ZNF469: variants seen among roughly 807,000 people sequenced by gnomAD.
ZNF469 encodes zinc finger protein 469.
Under a neutral mutation model 1.0 loss-of-function variants are expected in ZNF469, and 1 was observed. The observed-to-expected ratio is 1.00, with a 90% CI of 0.35 to 4.73. ZNF469 has a LOEUF of 4.73. Ranked by LOEUF, ZNF469 falls within the 30% of genes most tolerant of loss-of-function variation. The pLI is 0.16. For missense variants in ZNF469, 6,100 were observed against 5,356.3 expected (o/e 1.14, Z -4.33); for synonymous variants, 2,703 against 2,363.4 (o/e 1.14, Z -4.17).
At chr16:88,140,341 A>T in the ZNF469 span, among the ~76,000 whole-genome samples, 1 of 151,910 alleles carries the variant, frequency 6.6e-6, no homozygotes, top group Non-Finnish European at 1.5e-5. Flanking sequence ...GGTAGCACGG[A>T]GGAAAGGAGG....
chr16:88,390,194 G>T (rs1011452193), intron 1 of ZNF469, among the ~76,000 whole-genome samples: 1 of 152,214 alleles, frequency 6.6e-6, no homozygotes, highest in Non-Finnish European at 1.5e-5. Flanking sequence ...CGGAGGTCAG[G>T]TGGTCACGGG....
At chr16:88,122,044 C>G in the ZNF469 span, among the ~76,000 whole-genome samples, 2 of 151,494 alleles carry the variant, frequency 1.3e-5, no homozygotes, top group Non-Finnish European at 2.9e-5. Flanking sequence ...TCACTACGGC[C>G]ACGGCGGCCA....
At chr16:88,379,809 G>A (rs2092516411), upstream of ZNF469, among the ~76,000 whole-genome samples, 1 of 143,272 alleles carries the variant, frequency 7.0e-6, no homozygotes, top group Admixed American at 8.1e-5. Context: ...GGTGTGCCGC[G>A]GGCCTTGGCC....
At chr16:88,388,308 G>T (rs903505305) in intron 1 of ZNF469, among the ~76,000 whole-genome samples, 3 of 152,226 alleles carry the variant, frequency 2.0e-5, no homozygotes, top group Non-Finnish European at 4.4e-5. Context: ...TGCTAACAGC[G>T]CCTGTCCTGT....
chr16:88,385,736 T>A (rs956705669), intron 1 of ZNF469, among the ~76,000 whole-genome samples: 1 of 151,512 alleles, frequency 6.6e-6, no homozygotes, highest in South Asian at 2.1e-4. Flanking sequence ...TAGTTAAGAG[T>A]CCAGGCTCTG....
the ZNF469 span, among the ~76,000 whole-genome samples, chr16:88,278,637 G>C: frequency 8.6e-6 from 1 of 116,796 alleles, no homozygotes; most frequent in Non-Finnish European, 2.0e-5. Flanking sequence ...ATCAGTGCAC[G>C]GTTAGTGCTG....
chr16:88,128,643 C>G, the ZNF469 span, among the ~76,000 whole-genome samples: 1 of 152,238 alleles, frequency 6.6e-6, no homozygotes, highest in Non-Finnish European at 1.5e-5. Context: ...TTCTCTCCCC[C>G]GACCCAGGTC....
chr16:88,136,659 G>C, the ZNF469 span, among the ~76,000 whole-genome samples: 1 of 152,260 alleles, frequency 6.6e-6, no homozygotes, highest in Non-Finnish European at 1.5e-5. Context: ...CCTGGAGCCT[G>C]AACGATGGAC....
the ZNF469 span, among the ~76,000 whole-genome samples, chr16:88,199,081 G>T: frequency 3.3e-5 from 5 of 152,192 alleles, no homozygotes; most frequent in Non-Finnish European, 7.3e-5. Flanking sequence ...ATGCCACCAG[G>T]GTTCCCATTC....
At chr16:88,130,939 G>T in the ZNF469 span, among the ~76,000 whole-genome samples, 3 of 152,204 alleles carry the variant, frequency 2.0e-5, no homozygotes, top group Non-Finnish European at 4.4e-5. Context: ...CGGAAGTGGC[G>T]TCCCGATGAG....
the ZNF469 span, among the ~76,000 whole-genome samples, chr16:88,351,044 C>T: frequency 6.6e-6 from 1 of 152,242 alleles, no homozygotes; most frequent in African/African-American, 2.4e-5. Context: ...GCTCCCCCGG[C>T]GTGGCCATGT....
the ZNF469 span, among the ~76,000 whole-genome samples, chr16:88,186,737 G>C: frequency 6.6e-6 from 1 of 152,230 alleles, no homozygotes; most frequent in Non-Finnish European, 1.5e-5. Context: ...TGTGCAAGCC[G>C]CTCCGTGTTG....
chr16:88,317,238 C>A, the ZNF469 span, among the ~76,000 whole-genome samples: 9 of 152,204 alleles, frequency 5.9e-5, no homozygotes, highest in Admixed American at 2.0e-4. Context: ...GCCTCTCCAG[C>A]GTGATGAACA....
At chr16:88,225,472 C>G in the ZNF469 span, among the ~76,000 whole-genome samples, 1 of 152,132 alleles carries the variant, frequency 6.6e-6, no homozygotes. Context: ...ATTGGGGAGA[C>G]CCTTCAAAGG....
the ZNF469 span, among the ~76,000 whole-genome samples, chr16:88,167,075 TTTC>T: frequency 2.7e-3 from 388 of 144,400 alleles, 7 homozygotes; most frequent in African/African-American, 9.4e-3. Flanking sequence ...TTTTTTTTTT[TTTC>T]TAAGAGGGAA....
the ZNF469 span, among the ~76,000 whole-genome samples, chr16:88,216,091 C>G: frequency 6.6e-6 from 1 of 152,088 alleles, no homozygotes; most frequent in African/African-American, 2.4e-5. Flanking sequence ...ACAACAAAGT[C>G]TCTCAGTTTT....
At chr16:88,395,080 C>T (rs1159582180) in intron 1 of ZNF469, among the ~76,000 whole-genome samples, 4 of 152,224 alleles carry the variant, frequency 2.6e-5, no homozygotes, top group African/African-American at 7.2e-5. Flanking sequence ...GTGAATCAGC[C>T]CCAGGGACCC....
At chr16:88,248,341 A>G in the ZNF469 span, among the ~76,000 whole-genome samples, 1 of 152,224 alleles carries the variant, frequency 6.6e-6, no homozygotes, top group Non-Finnish European at 1.5e-5. Flanking sequence ...CGTGTCTTTG[A>G]TAAAAGCTGT....
At chr16:88,267,757 G>C in the ZNF469 span, among the ~76,000 whole-genome samples, 58,704 of 144,300 alleles carry the variant, frequency 0.41, 12,337 homozygotes, top group African/African-American at 0.47. Flanking sequence ...ACTGGGGGCA[G>C]GGGGTCAGCA....
Sources: allele counts gnomAD v4.1 joint callset (sites outside exome capture counted in the v4.1 genomes callset), GRCh38; gene constraint gnomAD v4.1.1; transcripts MANE v1.5; gene names NCBI Gene and HGNC (gene_info 2026-07-23, HGNC 2026-07-21).